Variants in AGO3 observed in about 807,000 individuals in gnomAD.
The protein encoded by AGO3 is protein argonaute-3.
In AGO3, 16 loss-of-function variants were observed where a neutral mutation model predicts 105.5. The ratio of observed to expected loss-of-function variants is 0.15; its 90% CI spans 0.10 to 0.23. AGO3 has a LOEUF of 0.23. Among genes scored for constraint, AGO3 ranks in the 10% least tolerant of loss-of-function variants. The probability of loss-of-function intolerance (pLI) is 1.00; values close to 1 mark genes in which losing one functional copy is unlikely to be tolerated. For synonymous variants in AGO3, 340 were observed against 367.3 expected (o/e 0.93, Z 0.85); for missense variants, 534 against 1,088.0 (o/e 0.49, Z 7.16).
chr1:36,046,465 G>A (rs1189188726), intron 17 of AGO3, among the ~76,000 whole-genome samples: 1 of 151,748 alleles, frequency 6.6e-6, no homozygotes, highest in Non-Finnish European at 1.5e-5. Context: ...GCCGAGGCGG[G>A]CATATCACCT....
chr1:36,013,407 A>G (rs1383647080), intron 9 of AGO3: 1 of 498,088 alleles, frequency 2.0e-6, no homozygotes, highest in Admixed American at 3.4e-5. Context: ...GCATACATAC[A>G]AATTTTGTAT....
intron 1 of AGO3, among the ~76,000 whole-genome samples, chr1:35,933,799 A>C (rs1329283294): frequency 6.6e-6 from 1 of 152,102 alleles, no homozygotes; most frequent in Non-Finnish European, 1.5e-5. Flanking sequence ...GGAGATTCTC[A>C]GGAATCATCT....
intron 11 of AGO3, among the ~76,000 whole-genome samples, chr1:36,021,212 G>A (rs1184500949): frequency 6.6e-6 from 1 of 152,100 alleles, no homozygotes; most frequent in Non-Finnish European, 1.5e-5. Context: ...GATTACAGGC[G>A]TGAACCACTG....
Position 36,018,308 on chromosome 1 carries a change from G to T in AGO3, c.1406+4260G>T, listed in dbSNP as rs183308141. Among the ~76,000 whole-genome samples the T allele has an allele frequency of 3.7e-3, 550 of 149,988 alleles. 12 individuals carry two copies. The highest frequency in any genetic ancestry group is 0.027 in the Admixed American group (410 of 14,944). On this transcript the variant is annotated intron_variant, in intron 11 of 18. Coordinates refer to ENST00000373191, the MANE Select transcript of AGO3 (RefSeq NM_024852.4). ...CTTTAAATTATGATGTAGGTTAAGA[G>T]GAGTTGACCAGTGCTCTGTTTCTGA...
chr1:35,997,453 C>T (rs1473584637), intron 5 of AGO3, among the ~76,000 whole-genome samples: 1 of 151,868 alleles, frequency 6.6e-6, no homozygotes, highest in Non-Finnish European at 1.5e-5. Context: ...AAATGTTGTG[C>T]AGCAGCAGCA....
chr1:35,943,864 G>A (rs1646306506), intron 1 of AGO3, among the ~76,000 whole-genome samples: 1 of 152,138 alleles, frequency 6.6e-6, no homozygotes. Context: ...GCCTCCCAAA[G>A]TGCTGGGATT....
At chr1:35,989,970 T>C (rs1261309885) in intron 5 of AGO3, among the ~76,000 whole-genome samples, 3 of 152,232 alleles carry the variant, frequency 2.0e-5, no homozygotes, top group Non-Finnish European at 4.4e-5. Context: ...CCAGATAGAA[T>C]GCTAAGCATT....
At chr1:35,971,673 T>TA (rs1646873733) in intron 3 of AGO3, among the ~76,000 whole-genome samples, 1 of 152,150 alleles carries the variant, frequency 6.6e-6, no homozygotes, top group South Asian at 2.1e-4. Flanking sequence ...CCTCCTTTCT[T>TA]ACACAAAAGA....
intron 11 of AGO3, among the ~76,000 whole-genome samples, chr1:36,020,379 T>G (rs1641154178): frequency 6.6e-6 from 1 of 152,210 alleles, no homozygotes; most frequent in Non-Finnish European, 1.5e-5. Context: ...ATTTTCTTGG[T>G]ATTCATTTAA....
intron 5 of AGO3, among the ~76,000 whole-genome samples, chr1:36,002,259 C>G (rs1640120865): frequency 6.7e-6 from 1 of 150,266 alleles, no homozygotes; most frequent in Admixed American, 6.6e-5. Context: ...TTCAAGTGAT[C>G]AATGCACCTT....
At chr1:36,018,372 A>T (rs144855216) in intron 11 of AGO3, among the ~76,000 whole-genome samples, 72 of 151,388 alleles carry the variant, frequency 4.8e-4, no homozygotes, top group African/African-American at 1.6e-3. Flanking sequence ...AAAATTTCTC[A>T]CCCACATTGG....
At position 35,939,782 on chromosome 1, in the gene AGO3, C is replaced by T. The variant is rs1306655643; in HGVS notation, c.20-5910C>T. The stretch of plus-strand genomic sequence containing the variant: ...TACTATAGAGAATTTAGGATGTATA[C>T]ATATAGGCAGAACTGTATAATAAAC... On this transcript the variant is annotated intron_variant, in intron 1 of 18. Transcript: ENST00000373191. Among the ~76,000 whole-genome samples, 9 of 152,084 alleles carry T rather than the reference C, an allele frequency of 5.9e-5. 1 individual carries two copies. Among genetic ancestry groups the T allele is most frequent in the East Asian group, 5.8e-4 (3 of 5,198 alleles).
chr1:36,039,616 G>C lies in AGO3; in HGVS notation c.1843-174G>C, dbSNP rs571566281. On this transcript the variant is annotated intron_variant, in intron 14 of 18. Coordinates refer to ENST00000373191, the MANE Select transcript of AGO3 (RefSeq NM_024852.4). ...CCTGCCTCAGCTTCCTGAGTAGCTG[G>C]GACTATAGGCACATGCCGTCATACC... 8.6e-5 allele frequency among the ~76,000 whole-genome samples: 13 copies of C among 151,852 alleles called. No homozygotes were observed. In the East Asian group the frequency reaches 2.3e-3, roughly 27 times the overall value.
chr1:35,972,379 G>A, intron 4 of AGO3, 147 bp downstream of exon 4: 1 of 962,712 alleles, frequency 1.0e-6, no homozygotes, highest in Non-Finnish European at 1.5e-6. Flanking sequence ...CAAATTCATT[G>A]ACAGGAGTAC....
At chr1:35,936,520 C>T (rs1440751945) in intron 1 of AGO3, among the ~76,000 whole-genome samples, 1 of 152,112 alleles carries the variant, frequency 6.6e-6, no homozygotes, top group Non-Finnish European at 1.5e-5. Flanking sequence ...TGGGATTTCA[C>T]CATGTTGGCC....
At chr1:35,996,937 G>A (rs1199281556) in intron 5 of AGO3, among the ~76,000 whole-genome samples, 1 of 152,066 alleles carries the variant, frequency 6.6e-6, no homozygotes, top group African/African-American at 2.4e-5. Flanking sequence ...ACAAAGATTT[G>A]GAGCAACTAG....
intron 3 of AGO3, among the ~76,000 whole-genome samples, chr1:35,969,846 A>G (rs1046550729): frequency 4.6e-5 from 7 of 152,246 alleles, no homozygotes; most frequent in Non-Finnish European, 8.8e-5. Flanking sequence ...TTGTAAGACA[A>G]TGGTAAATAT....
At chr1:35,946,451 G>A (rs1224782892) in intron 2 of AGO3, among the ~76,000 whole-genome samples, 5 of 152,020 alleles carry the variant, frequency 3.3e-5, no homozygotes, top group Admixed American at 3.3e-4. Context: ...AATATAAGAG[G>A]AATTTATGAT....
chr1:36,052,333 T>G (rs1239494668), intron 17 of AGO3, among the ~76,000 whole-genome samples: 2 of 152,016 alleles, frequency 1.3e-5, no homozygotes, highest in African/African-American at 2.4e-5. Context: ...TACTGCATGA[T>G]CTCACTGGTG....
Sources: gnomAD v4.1 joint callset for allele counts (sites outside exome capture counted in the v4.1 genomes callset) on GRCh38, gnomAD v4.1.1 for gene constraint, MANE v1.5 for transcripts, NCBI Gene and HGNC (gene_info 2026-07-23, HGNC 2026-07-21) for gene names.